CSF2RA: variants seen among roughly 807,000 people sequenced by gnomAD.
CSF2RA encodes granulocyte-macrophage colony-stimulating factor receptor subunit alpha.
CSF2RA carries 42 observed loss-of-function variants against 51.6 expected under a neutral mutation model. The ratio of observed to expected loss-of-function variants is 0.81; its 90% confidence interval spans 0.64 to 1.05. The LOEUF (loss-of-function observed/expected upper bound fraction) is 1.05. Among genes scored for constraint, CSF2RA ranks in the 50% least tolerant of loss-of-function variants. CSF2RA has a pLI of 0.00. For synonymous variants in CSF2RA, 222 were observed against 193.0 expected, an observed-to-expected ratio of 1.15 and a Z score of -1.24; for missense variants, 530 against 501.1, an observed-to-expected ratio of 1.06 and a Z score of -0.55.
intron 1 of CSF2RA, among the ~76,000 whole-genome samples, chrX:1,270,770 G>A (rs1398473790): frequency 1.3e-5 from 2 of 151,176 alleles, no homozygotes; most frequent in African/African-American, 2.4e-5. Flanking sequence ...GTCCCTCTAA[G>A]CTGGGCGTGG....
chrX:1,292,940 G>A (rs2091540536), intron 7 of CSF2RA, among the ~76,000 whole-genome samples: 1 of 152,142 alleles, frequency 6.6e-6, no homozygotes, highest in Non-Finnish European at 1.5e-5. Context: ...ACAATACCCG[G>A]GCTCTCTCGG....
rs144367097 is a variant in CSF2RA, at chrX:1,309,515, G to A, written c.*36G>A. On this transcript the variant is annotated 3_prime_UTR_variant, in exon 13 of 13. Transcript: ENST00000381529. ...GTGTAGGAATGGCATGGACATCTCC[G>A]CCTCCGCGACACGGGGGAACTGTTT... 40 of 1,613,982 alleles carry A rather than the reference G, an allele frequency of 2.5e-5. No homozygotes were observed. The highest frequency in any genetic ancestry group is 2.1e-4 in the African/African-American group (16 of 75,054).
At chrX:1,321,530 G>A in the CSF2RA span, among the ~76,000 whole-genome samples, 19 of 150,492 alleles carry the variant, frequency 1.3e-4, no homozygotes, top group Non-Finnish European at 1.9e-4. Context: ...GGCTGAGGTC[G>A]TGCCACTGCA....
At position 1,288,766 on chromosome X, in the gene CSF2RA, G is replaced by T; in HGVS notation, c.351G>T (p.Glu117Asp). 1 of 1,613,918 alleles carries T rather than the reference G, an allele frequency of 6.2e-7. No homozygotes were observed. The highest frequency in any genetic ancestry group is 8.5e-7 in the Non-Finnish European group (1 of 1,179,860). Residue 117 changes from glutamate (E) to aspartate (D), a missense_variant, in exon 6 of 13, where the codon GAG (glutamate) becomes GAT (aspartate). Transcript: ENST00000381529. ...GTTTCTACCTCTTCCCAGGAAGGGAGGGTACCGCTGCTCAGAATTTCTCCT... is the reference window on the plus strand; with the variant it reads ...GTTTCTACCTCTTCCCAGGAAGGGATGGTACCGCTGCTCAGAATTTCTCCT... The part of the protein sequence containing the change: ...QKLLYPNSGR[E>D]GTAAQNFSCF...
chrX:1,300,530 C>T lies in CSF2RA; in HGVS notation c.850C>T (p.Pro284Ser). 1 of 1,613,924 alleles carries T rather than the reference C, an allele frequency of 6.2e-7. No homozygotes were observed. Among genetic ancestry groups the T allele is most frequent in the Non-Finnish European group, 8.5e-7 (1 of 1,179,840 alleles). Residue 284 changes from proline (P) to serine (S), a missense_variant, in exon 10 of 13, where the codon CCA becomes TCA. Coordinates refer to ENST00000381529, the MANE Select transcript of CSF2RA (RefSeq NM_172245.4). ...TGATTTGGAAAATAGATACAACTTT[C>T]CAAGCTCTGAGCCCAGAGCAAAACA... ...SGDLENRYNF[P>S]SSEPRAKHSV...
At chrX:1,282,566 C>T (rs2090175802) in intron 2 of CSF2RA, 112 bp from the exon 3 acceptor site, 6 of 810,846 alleles carry the variant, frequency 7.4e-6, no homozygotes, top group South Asian at 4.1e-5. Flanking sequence ...ACCAGGTCAG[C>T]GGCTGACCAC....
chrX:1,312,734 G>C (rs1371781734), downstream of CSF2RA, among the ~76,000 whole-genome samples: 3 of 152,176 alleles, frequency 2.0e-5, no homozygotes. Context: ...GGATGGATCT[G>C]ACGGTGAGGT....
intron 1 of CSF2RA, among the ~76,000 whole-genome samples, chrX:1,270,855 C>T (rs1176107115): frequency 1.3e-5 from 1 of 75,492 alleles, no homozygotes; most frequent in Non-Finnish European, 2.6e-5. Context: ...GCCTGGCCAA[C>T]AGGGTGAAAC....
At chrX:1,283,290 CTCTT>C (rs1301876863) in intron 3 of CSF2RA, among the ~76,000 whole-genome samples, 127 of 147,712 alleles carry the variant, frequency 8.6e-4, no homozygotes, top group Non-Finnish European at 1.6e-3. Context: ...TTCATTTCTT[CTCTT>C]TCTTTCTCTT....
chrX:1,293,249 C>G (rs2091566390), intron 7 of CSF2RA, among the ~76,000 whole-genome samples: 1 of 152,168 alleles, frequency 6.6e-6, no homozygotes, highest in Non-Finnish European at 1.5e-5. Flanking sequence ...GAGTCTCACT[C>G]TGTCGCCCAC....
At chrX:1,307,754 T>G (rs1932145163) in intron 12 of CSF2RA, among the ~76,000 whole-genome samples, 2 of 92,520 alleles carry the variant, frequency 2.2e-5, no homozygotes, top group African/African-American at 6.8e-5. Context: ...CTTCCCCCAT[T>G]TAGATCTTCA....
At chrX:1,289,105 G>A in intron 6 of CSF2RA, 1 of 605,750 alleles carries the variant, frequency 1.7e-6, no homozygotes, top group Non-Finnish European at 2.9e-6. Flanking sequence ...GGGATTACAG[G>A]CGCCCGCCAC....
chrX:1,294,535 T>C, intron 8 of CSF2RA, 74 bp downstream of exon 8: 1 of 1,599,320 alleles, frequency 6.3e-7, no homozygotes, highest in Non-Finnish European at 8.6e-7. Context: ...AGCCTGGGAA[T>C]CCCGGGGAAG....
intron 12 of CSF2RA, 85 bp from the exon 13 acceptor site, chrX:1,309,317 G>A (rs1334336486): frequency 4.3e-6 from 6 of 1,379,568 alleles, no homozygotes; most frequent in African/African-American, 1.4e-5. Flanking sequence ...TCCGTCTCGA[G>A]GGAGAAAAAG....
the CSF2RA span, among the ~76,000 whole-genome samples, chrX:1,321,888 T>C: frequency 6.6e-6 from 1 of 152,034 alleles, no homozygotes; most frequent in East Asian, 1.9e-4. Context: ...TGCATCACTT[T>C]GGGAGGCCGA....
chrX:1,285,416 G>A (rs1184722858), intron 3 of CSF2RA, among the ~76,000 whole-genome samples: 4 of 151,998 alleles, frequency 2.6e-5, no homozygotes, highest in Non-Finnish European at 4.4e-5. Context: ...AGGGCCGGCC[G>A]GGCACGGTGG....
chrX:1,280,086 G>A (rs185114117), intron 2 of CSF2RA, among the ~76,000 whole-genome samples: 3 of 152,042 alleles, frequency 2.0e-5, no homozygotes, highest in East Asian at 2.0e-4. Context: ...CACTGTGCCC[G>A]GCCGAGAGAC....
At chrX:1,317,230 G>A in the CSF2RA span, among the ~76,000 whole-genome samples, 1 of 138,552 alleles carries the variant, frequency 7.2e-6, no homozygotes, top group Non-Finnish European at 1.5e-5. Context: ...TGACAGGCGT[G>A]AGCCACCACG....
chrX:1,317,399 G>A, the CSF2RA span, among the ~76,000 whole-genome samples: 1 of 148,172 alleles, frequency 6.7e-6, no homozygotes, highest in Non-Finnish European at 1.5e-5. Flanking sequence ...TGACAGGCAT[G>A]CACCACCACG....
Sources: allele counts gnomAD v4.1 joint callset (sites outside exome capture counted in the v4.1 genomes callset), GRCh38; gene constraint gnomAD v4.1.1; transcripts MANE v1.5; gene names NCBI Gene and HGNC (gene_info 2026-07-23, HGNC 2026-07-21).